PTCHD4: variants seen among roughly 807,000 people sequenced by gnomAD.
The protein encoded by PTCHD4 is patched domain-containing protein 4.
In PTCHD4, 33 loss-of-function variants were observed where a neutral mutation model predicts 58.1. That is an observed-to-expected ratio of 0.57 (90% CI 0.43 to 0.76). PTCHD4 has a LOEUF of 0.76. Among genes scored for constraint, PTCHD4 ranks in the 30% least tolerant of loss-of-function variants. The pLI is 0.00. For synonymous variants in PTCHD4, 478 were observed against 409.6 expected, an observed-to-expected ratio of 1.17 and a Z score of -2.02; for missense variants, 1,058 against 1,027.1, an observed-to-expected ratio of 1.03 and a Z score of -0.41.
At chr6:48,085,332 C>T (rs1765242323) in intron 1 of PTCHD4, among the ~76,000 whole-genome samples, 1 of 152,156 alleles carries the variant, frequency 6.6e-6, no homozygotes, top group Admixed American at 6.5e-5. Flanking sequence ...TTAGCAGATT[C>T]CACTTCAGGT....
At chr6:47,970,492 G>A (rs1392891435) in intron 4 of PTCHD4, among the ~76,000 whole-genome samples, 1 of 152,138 alleles carries the variant, frequency 6.6e-6, no homozygotes, top group Non-Finnish European at 1.5e-5. Flanking sequence ...TGTGAGGCTT[G>A]CCTGAGAAGA....
intron 1 of PTCHD4, among the ~76,000 whole-genome samples, chr6:48,105,827 T>G (rs371649744): frequency 5.3e-5 from 8 of 151,510 alleles, no homozygotes; most frequent in Non-Finnish European, 2.9e-5. Context: ...AACACCTCTA[T>G]GCAAATAAAC....
chr6:47,980,812 G>GT (rs1196391130), intron 4 of PTCHD4, among the ~76,000 whole-genome samples: 3 of 151,592 alleles, frequency 2.0e-5, no homozygotes, highest in African/African-American at 7.3e-5. Context: ...GTGATACACT[G>GT]TTTTTTCTCC....
At chr6:47,897,738 C>G (rs189118301) in intron 4 of PTCHD4, among the ~76,000 whole-genome samples, 1 of 152,092 alleles carries the variant, frequency 6.6e-6, no homozygotes, top group African/African-American at 2.4e-5. Context: ...TATTTAGCTT[C>G]TTTGATGTAT....
At chr6:47,981,830 A>AG (rs1471472591) in intron 4 of PTCHD4, among the ~76,000 whole-genome samples, 12 of 152,172 alleles carry the variant, frequency 7.9e-5, no homozygotes, top group African/African-American at 2.9e-4. Flanking sequence ...CTTAAGTGGC[A>AG]GTTCCCTAGA....
intron 4 of PTCHD4, among the ~76,000 whole-genome samples, chr6:47,886,119 A>ATTTTT (rs34214628): frequency 1.4e-5 from 2 of 145,908 alleles, no homozygotes; most frequent in African/African-American, 2.5e-5. Flanking sequence ...CGATGGCAAG[A>ATTTTT]TTTTTTTTTT....
intron 4 of PTCHD4, among the ~76,000 whole-genome samples, chr6:47,917,190 A>AT (rs1408589620): frequency 1.2e-4 from 18 of 151,952 alleles, no homozygotes; most frequent in Admixed American, 3.3e-4. Context: ...TAATTTATAT[A>AT]TTTTTTTCAA....
chr6:47,969,624 C>T (rs971615611), intron 4 of PTCHD4, among the ~76,000 whole-genome samples: 2 of 151,190 alleles, frequency 1.3e-5, no homozygotes, highest in Admixed American at 6.6e-5. Context: ...TAAAAAATGA[C>T]CCCCCCCAAA....
intron 4 of PTCHD4, among the ~76,000 whole-genome samples, chr6:47,933,543 C>T (rs1765896638): frequency 6.6e-6 from 1 of 152,162 alleles, no homozygotes; most frequent in African/African-American, 2.4e-5. Flanking sequence ...ATTTTAAGTG[C>T]TGCAAATTCC....
chr6:48,057,171 G>GTTTTTTTTTTTTTTTTTTTTTTT (rs372080844), intron 3 of PTCHD4, among the ~76,000 whole-genome samples: 1 of 149,400 alleles, frequency 6.7e-6, no homozygotes, highest in Non-Finnish European at 1.5e-5. Flanking sequence ...TCTGGCGGCG[G>GTTTTTTTTTTTTTTTTTTTTTTT]TTTTTTTTGT....
chr6:48,072,462 A>G (rs1232140445), intron 1 of PTCHD4, among the ~76,000 whole-genome samples: 1 of 152,136 alleles, frequency 6.6e-6, no homozygotes, highest in Non-Finnish European at 1.5e-5. Flanking sequence ...GAGTATTACT[A>G]CTTCCTGGTA....
At chr6:48,088,517 G>T (rs1360816431) in intron 1 of PTCHD4, among the ~76,000 whole-genome samples, 1 of 152,126 alleles carries the variant, frequency 6.6e-6, no homozygotes, top group Non-Finnish European at 1.5e-5. Flanking sequence ...TCCTAAATTT[G>T]GATGATTGTG....
intron 4 of PTCHD4, among the ~76,000 whole-genome samples, chr6:47,886,717 CA>C (rs1764204931): frequency 6.6e-6 from 1 of 152,142 alleles, no homozygotes; most frequent in Non-Finnish European, 1.5e-5. Context: ...CTGGATAATA[CA>C]TCAGTATTTT....
intron 4 of PTCHD4, among the ~76,000 whole-genome samples, chr6:48,008,433 A>C (rs1762542765): frequency 6.6e-6 from 1 of 151,488 alleles, no homozygotes; most frequent in Non-Finnish European, 1.5e-5. Flanking sequence ...ATTAAATTAA[A>C]TGAGTAGATG....
chr6:47,912,737 T>C (rs1765109284), intron 4 of PTCHD4, among the ~76,000 whole-genome samples: 1 of 152,128 alleles, frequency 6.6e-6, no homozygotes, highest in Admixed American at 6.6e-5. Flanking sequence ...TCTTGTCAAA[T>C]AATATAATTC....
At chr6:48,075,439 G>GGTTTTTTTTTT (rs1562040806) in intron 1 of PTCHD4, among the ~76,000 whole-genome samples, 1 of 136,772 alleles carries the variant, frequency 7.3e-6, no homozygotes. Context: ...AGTTTTGTGG[G>GGTTTTTTTTTT]TTTTTTTTTT....
At chr6:48,048,129 G>C (rs1764106300) in intron 3 of PTCHD4, among the ~76,000 whole-genome samples, 1 of 151,694 alleles carries the variant, frequency 6.6e-6, no homozygotes, top group Admixed American at 6.6e-5. Flanking sequence ...TGAAGAAGCT[G>C]AGCATTTTGG....
intron 3 of PTCHD4, among the ~76,000 whole-genome samples, chr6:48,033,050 C>A (rs1582051621): frequency 6.6e-6 from 1 of 151,986 alleles, no homozygotes; most frequent in East Asian, 1.9e-4. Context: ...AATTGTGTGT[C>A]TTTTCTGAAC....
rs1206463713 is a variant in PTCHD4, at chr6:47,873,247, A to G, written c.*5056T>C. 6.6e-6 allele frequency among the ~76,000 whole-genome samples: 1 copy of G among 151,736 alleles called. No individual in the cohort carries two copies. Among genetic ancestry groups the G allele is most frequent in the East Asian group, 1.9e-4 (1 of 5,152 alleles). On this transcript the variant is annotated 3_prime_UTR_variant, in exon 5 of 5. Transcript: ENST00000339488. The stretch of plus-strand genomic sequence containing the variant: ...AGCAGTTGAGAATCTATAGTTTTGC[A>G]ACACCACGTGATTCTCTCTGCTGTA...
Sources: gnomAD v4.1 joint callset for allele counts (sites outside exome capture counted in the v4.1 genomes callset) on GRCh38, gnomAD v4.1.1 for gene constraint, MANE v1.5 for transcripts, NCBI Gene and HGNC (gene_info 2026-07-23, HGNC 2026-07-21) for gene names.